ALPK2: variants seen among roughly 807,000 people sequenced by gnomAD.
The protein encoded by ALPK2 is alpha-protein kinase 2.
Under a neutral mutation model 163.1 loss-of-function variants are expected in ALPK2, and 127 were observed. The ratio of observed to expected loss-of-function variants is 0.78; its 90% confidence interval spans 0.67 to 0.90. The LOEUF is 0.90. Among genes scored for constraint, ALPK2 ranks in the 40% least tolerant of loss-of-function variants. The pLI, the probability that ALPK2 is intolerant of heterozygous loss-of-function variation, is 0.00. For synonymous variants in ALPK2, 953 were observed against 959.1 expected (o/e 0.99, Z 0.12); for missense variants, 2,360 against 2,589.6 (o/e 0.91, Z 1.92).
Position 58,580,303 on chromosome 18 carries a change from G to T in ALPK2, c.473C>A (p.Pro158His), listed in dbSNP as rs764372046. ...GGAGGGGGAGGAGTCAGCTGACCTG[G>T]GAGTGCCCGGGGAGATGCTTTCTTC... ...KEEESISPGT[P>H]RSADSSPSKS... The change falls in exon 4 of 13, where the codon CCC (proline) becomes CAC (histidine). Residue 158 changes from proline to histidine, a missense_variant. Transcript: ENST00000361673. 4 of 1,614,008 alleles carry T rather than the reference G, an allele frequency of 2.5e-6. No individual in the cohort carries two copies. In the East Asian group the frequency reaches 6.7e-5, roughly 27 times the overall value.
At chr18:58,578,731 GAGACACAC>G (rs1291830992) in intron 4 of ALPK2, 75 bp downstream of exon 4, 1 of 103,992 alleles carries the variant, frequency 9.6e-6, no homozygotes, top group African/African-American at 1.9e-4. Flanking sequence ...AGTAAAGGAA[GAGACACAC>G]ACACACACAC....
intron 3 of ALPK2, among the ~76,000 whole-genome samples, chr18:58,593,419 CAG>C (rs2052024568): frequency 6.6e-6 from 1 of 151,048 alleles, no homozygotes; most frequent in South Asian, 2.1e-4. Flanking sequence ...CAAAAATTAG[CAG>C]AGCGTTGTGG....
chr18:58,537,164 G>A lies in ALPK2; in HGVS notation c.3023C>T (p.Thr1008Ile). The A allele has an allele frequency of 5.3e-6, 2 of 378,784 alleles. No individual in the cohort carries two copies. Among genetic ancestry groups the A allele is most frequent in the Non-Finnish European group, 8.6e-6 (2 of 232,758 alleles). 23.5% of individuals were successfully genotyped at this position (378,784 alleles called of 1,614,324 possible). ...CFQATRETED[T>I]STVTIATEVH... ...TTCGGTGGCAATGGTAACAGTTGAT[G>A]TGTCCTCAGTCTCCCTGGTCGCTTG... Residue 1008 changes from threonine to isoleucine, a missense_variant, in exon 5 of 13, where the codon ACA (threonine) becomes ATA (isoleucine). Thr to Ile is a moderately conservative substitution (Grantham distance 89, BLOSUM62 -1). Coordinates refer to ENST00000361673, the MANE Select transcript of ALPK2 (RefSeq NM_052947.4).
chr18:58,542,918 T>A (rs1242526733), intron 4 of ALPK2, among the ~76,000 whole-genome samples: 1 of 152,182 alleles, frequency 6.6e-6, no homozygotes, highest in Non-Finnish European at 1.5e-5. Flanking sequence ...CTAGTTTGAA[T>A]GTCCACTCAA....
intron 3 of ALPK2, among the ~76,000 whole-genome samples, chr18:58,595,925 A>C (rs977289411): frequency 2.0e-5 from 3 of 152,170 alleles, no homozygotes; most frequent in African/African-American, 7.2e-5. Flanking sequence ...CTGAGCGGCA[A>C]CATCTTGAAG....
intron 5 of ALPK2, 77 bp downstream of exon 5, chr18:58,534,757 C>T: frequency 6.6e-7 from 1 of 1,509,348 alleles, no homozygotes; most frequent in Non-Finnish European, 8.8e-7. Context: ...TTGCAAAGGA[C>T]CCTCGAGGAC....
intron 4 of ALPK2, among the ~76,000 whole-genome samples, chr18:58,562,776 T>C (rs1376369273): frequency 6.6e-6 from 1 of 152,236 alleles, no homozygotes; most frequent in Non-Finnish European, 1.5e-5. Flanking sequence ...TGCTGCTGAT[T>C]GAGTTCTTGG....
chr18:58,609,320 C>T (rs912559980), intron 2 of ALPK2, among the ~76,000 whole-genome samples: 12 of 152,092 alleles, frequency 7.9e-5, no homozygotes, highest in African/African-American at 2.4e-4. Context: ...TAAAAAGACA[C>T]CAAAAAATGG....
rs1319120358 is a variant in ALPK2 at position 58,580,417 on chromosome 18, T to C, written c.359A>G (p.Asp120Gly). ...NPQLSPNLED[D>G]RDRGWKHETG... ...TTCATGTTTCCAACCCCTGTCCCTG[T>C]CATCTTCCAGGTTAGGAGACAATTG... Residue 120 changes from aspartate (D) to glycine (G), a missense_variant, in exon 4 of 13, where the codon GAC becomes GGC. Physicochemically the swap from Asp to Gly is moderately conservative, Grantham distance 94 (BLOSUM62 -1). Transcript: ENST00000361673. 1 of 1,614,174 alleles carries C rather than the reference T, an allele frequency of 6.2e-7. No homozygotes were observed. Among genetic ancestry groups the C allele is most frequent in the East Asian group, 2.2e-5 (1 of 44,880 alleles).
chr18:58,520,545 C>A (rs1298271467), intron 8 of ALPK2, among the ~76,000 whole-genome samples: 1 of 151,378 alleles, frequency 6.6e-6, no homozygotes, highest in Non-Finnish European at 1.5e-5. Context: ...CCTTGCTACA[C>A]CCATACATTG....
At chr18:58,552,445 A>G (rs1754462586) in intron 4 of ALPK2, among the ~76,000 whole-genome samples, 2 of 152,234 alleles carry the variant, frequency 1.3e-5, no homozygotes, top group African/African-American at 4.8e-5. Context: ...ACTATATGTA[A>G]AGGCTAGCAC....
chr18:58,592,495 C>T (rs1046474048), intron 3 of ALPK2, among the ~76,000 whole-genome samples: 2 of 152,024 alleles, frequency 1.3e-5, no homozygotes, highest in South Asian at 2.1e-4. Context: ...GCAGATGCAC[C>T]GGAGCTGGAA....
Position 58,578,738 on chromosome 18 carries a change from A to ACACGCGCGCGCGCGCGCGCGTGCACG in ALPK2, c.1962+75_1962+76insCGTGCACGCGCGCGCGCGCGCGCGTG, listed in dbSNP as rs1555673991. 71 of 936,708 alleles carry ACACGCGCGCGCGCGCGCGCGTGCACG rather than the reference A, an allele frequency of 7.6e-5. No individual in the cohort carries two copies. The African/African-American group carries it at 1.0e-3, about 14-fold the overall frequency. 58.0% of individuals were successfully genotyped at this position (936,708 alleles called of 1,614,324 possible). A position where few individuals can be genotyped will look rare whatever the true frequency, so the allele number is the denominator to read the frequency against. The stretch of plus-strand genomic sequence containing the variant: ...GAATGTGAAGTAAAGGAAGAGACAC[A>ACACGCGCGCGCGCGCGCGCGTGCACG]CACACACACACACACACACACACAC... On this transcript the variant is annotated intron_variant, in intron 4 of 12. Coordinates refer to ENST00000361673, the MANE Select transcript of ALPK2 (RefSeq NM_052947.4).
In ALPK2 at chr18:58,536,333, A is replaced by T; in HGVS notation, c.3854T>A (p.Val1285Glu). 1 of 1,614,230 alleles carries T rather than the reference A, an allele frequency of 6.2e-7. No homozygotes were observed. The highest frequency in any genetic ancestry group is 8.5e-7 in the Non-Finnish European group (1 of 1,180,036). Residue 1285 changes from valine (V) to glutamate (E), a missense_variant, in exon 5 of 13, where the codon GTG (valine) becomes GAG (glutamate). By Grantham distance (121) the Val-to-Glu change is moderately radical. Coordinates refer to ENST00000361673, the MANE Select transcript of ALPK2 (RefSeq NM_052947.4). The stretch of plus-strand genomic sequence containing the variant: ...TATTTCAGAGGGGGCCAATTCAGGC[A>T]CAACAGCATCTGCCTTTAGACTATC... ...VPDSLKADAV[V>E]PELAPSEIAA...
At chr18:58,497,440 A>C (rs2051406578) in intron 12 of ALPK2, among the ~76,000 whole-genome samples, 1 of 152,210 alleles carries the variant, frequency 6.6e-6, no homozygotes, top group Non-Finnish European at 1.5e-5. Context: ...CTTGTTAAAA[A>C]GATGCCCCAG....
chr18:58,573,302 GTGTA>G (rs2051897737), intron 4 of ALPK2, among the ~76,000 whole-genome samples: 2 of 131,392 alleles, frequency 1.5e-5, no homozygotes, highest in African/African-American at 2.9e-5. Flanking sequence ...GTATATATGT[GTGTA>G]TATATATGTG....
intron 4 of ALPK2, among the ~76,000 whole-genome samples, chr18:58,562,365 A>G (rs2051829809): frequency 6.6e-6 from 1 of 152,214 alleles, no homozygotes; most frequent in Admixed American, 6.5e-5. Context: ...AGTCTTTTTA[A>G]CTATAGAACT....
In ALPK2 at chr18:58,579,353, C is replaced by G; in HGVS notation, c.1423G>C (p.Ala475Pro). ...TTGTCACTGGCAAATTCCTCTCTTG[C>G]TTGGTGGCTGTCTCTGGTTTCTCCT... ...IQGETRDSHQ[A>P]REEFASDNLL... Residue 475 changes from alanine (A) to proline (P), a missense_variant, in exon 4 of 13, where the codon GCA (alanine) becomes CCA (proline). Transcript: ENST00000361673. 1 of 1,614,204 alleles carries G rather than the reference C, an allele frequency of 6.2e-7. No individual in the cohort carries two copies. The highest frequency in any genetic ancestry group is 2.2e-5 in the East Asian group (1 of 44,886).
At chr18:58,626,069 C>G (rs2052228320) in intron 1 of ALPK2, among the ~76,000 whole-genome samples, 1 of 152,228 alleles carries the variant, frequency 6.6e-6, no homozygotes, top group South Asian at 2.1e-4. Context: ...TTTTTGGCAG[C>G]ATTCAACCCA....
Sources: allele counts gnomAD v4.1 joint callset (sites outside exome capture counted in the v4.1 genomes callset), GRCh38; gene constraint gnomAD v4.1.1; transcripts MANE v1.5; gene names NCBI Gene and HGNC (gene_info 2026-07-23, HGNC 2026-07-21).